PC: variants seen among roughly 807,000 people sequenced by gnomAD.
The protein encoded by PC is pyruvate carboxylase, mitochondrial.
PC carries 46 observed loss-of-function variants against 107.8 expected under a neutral mutation model. That is an observed-to-expected ratio of 0.43 (90% confidence interval 0.34 to 0.55). The LOEUF (loss-of-function observed/expected upper bound fraction) is 0.55. Ranked by LOEUF, PC falls within the 20% of genes least tolerant of loss-of-function variation. PC has a pLI of 0.04. For synonymous variants in PC, 662 were observed against 684.7 expected (o/e 0.97, Z 0.52); for missense variants, 1,241 against 1,643.1 (o/e 0.76, Z 4.23).
intron 3 of PC, among the ~76,000 whole-genome samples, chr11:66,894,819 C>T (rs374496678): frequency 1.3e-5 from 2 of 152,116 alleles, no homozygotes; most frequent in African/African-American, 4.8e-5. Context: ...GTCAGGAGTT[C>T]GAGACCAGCC....
chr11:66,932,393 A>T (rs1232140342), intron 3 of PC, among the ~76,000 whole-genome samples: 1 of 152,046 alleles, frequency 6.6e-6, no homozygotes, highest in Non-Finnish European at 1.5e-5. Context: ...CATGGAAGGC[A>T]CTCTACCATC....
At chr11:66,860,797 C>T in intron 12 of PC, 1 of 686,420 alleles carries the variant, frequency 1.5e-6, no homozygotes, top group Admixed American at 2.1e-5. Flanking sequence ...TGAGCGCCTT[C>T]CCCATGGCAC....
At chr11:66,957,006 T>C (rs943733494) in intron 1 of PC, among the ~76,000 whole-genome samples, 4 of 152,214 alleles carry the variant, frequency 2.6e-5, no homozygotes, top group Admixed American at 2.6e-4. Context: ...ACTGTAGGTG[T>C]GCAAAAGAAT....
intron 3 of PC, among the ~76,000 whole-genome samples, chr11:66,947,839 T>G (rs1173336980): frequency 6.6e-6 from 1 of 151,272 alleles, no homozygotes; most frequent in Non-Finnish European, 1.5e-5. Context: ...GGTGGGCGCC[T>G]CTAGTCCCAG....
Position 66,852,912 on chromosome 11 carries a change from G to T in PC, c.1514-76C>A. 8.8e-7 allele frequency: 1 copy of T among 1,139,930 alleles called. No individual in the cohort carries two copies. Among genetic ancestry groups the T allele is most frequent in the Non-Finnish European group, 1.3e-6 (1 of 795,358 alleles). The allele number at this position is 1,139,930 out of a possible 1,614,324, so 70.6% of individuals were successfully genotyped here. On this transcript the variant is annotated intron_variant, in intron 13 of 22. Transcript: ENST00000393960. This position sits in a 1 kb window ranked among gnomAD's most constrained non-coding sequence, Gnocchi z 4.7. ...CGAGGGCAGCAGTGAGAGTGGCTGG[G>T]CTCAGGGACAGGGACACATCCCTCC...
chr11:66,922,232 C>T (rs1948612750), intron 3 of PC, among the ~76,000 whole-genome samples: 1 of 152,102 alleles, frequency 6.6e-6, no homozygotes, highest in South Asian at 2.1e-4. Context: ...ATAACTGCAC[C>T]ATTCTAAGAT....
intron 3 of PC, among the ~76,000 whole-genome samples, chr11:66,914,735 T>C (rs979387118): frequency 4.6e-5 from 7 of 152,164 alleles, no homozygotes; most frequent in Non-Finnish European, 1.0e-4. Context: ...TACCAGGGAC[T>C]GTTTAGTAGT....
intron 3 of PC, among the ~76,000 whole-genome samples, chr11:66,886,774 C>T (rs895482499): frequency 2.6e-5 from 4 of 152,092 alleles, no homozygotes; most frequent in African/African-American, 7.2e-5. Flanking sequence ...GAAGAGTATC[C>T]GGCTGGAAAG....
chr11:66,879,351 G>A (rs566687069), intron 3 of PC, among the ~76,000 whole-genome samples: 18 of 152,336 alleles, frequency 1.2e-4, no homozygotes, highest in Non-Finnish European at 2.1e-4. Flanking sequence ...AGGACACCAC[G>A]TGCTTTTGCC....
intron 3 of PC, among the ~76,000 whole-genome samples, chr11:66,937,139 C>T (rs902944044): frequency 6.6e-6 from 1 of 152,088 alleles, no homozygotes; most frequent in African/African-American, 2.4e-5. Flanking sequence ...CCACTGTGCC[C>T]GGCCTAAAGA....
Position 66,857,679 on chromosome 11 carries a change from C to T in PC, c.1369-4296G>A, listed in dbSNP as rs568364199. The T allele has an allele frequency of 1.3e-6, 2 of 1,509,058 alleles. No homozygotes were observed. Among genetic ancestry groups the T allele is most frequent in the South Asian group, 1.3e-5 (1 of 79,034 alleles). The allele number at this position is 1,509,058 out of a possible 1,614,324, so 93.5% of individuals were successfully genotyped here. ...CTGGCTTCTGGGACTGTCCTGGGCC[C>T]AAGTGGGCACCTGCGCCAGCCCCAC... On this transcript the variant is annotated intron_variant, in intron 12 of 22. Coordinates refer to ENST00000393960, the MANE Select transcript of PC (RefSeq NM_001040716.2). This position sits in a 1 kb window ranked among gnomAD's most constrained non-coding sequence, Gnocchi z 7.1.
chr11:66,897,257 T>G (rs369461697), intron 3 of PC, among the ~76,000 whole-genome samples: 1 of 151,906 alleles, frequency 6.6e-6, no homozygotes, highest in Non-Finnish European at 1.5e-5. Flanking sequence ...ATTGGCACCA[T>G]GTACTTGATT....
intron 3 of PC, among the ~76,000 whole-genome samples, chr11:66,896,174 G>T (rs569268620): frequency 1.3e-5 from 2 of 152,032 alleles, no homozygotes; most frequent in Non-Finnish European, 2.9e-5. Flanking sequence ...CCACCTCTTG[G>T]GTTCAAGCAA....
intron 3 of PC, among the ~76,000 whole-genome samples, chr11:66,879,852 G>C (rs1408828329): frequency 6.6e-6 from 1 of 152,202 alleles, no homozygotes; most frequent in Non-Finnish European, 1.5e-5. Flanking sequence ...CGAGTGAGGC[G>C]GAAGACACGG....
chr11:66,929,681 T>C (rs1394418192), intron 3 of PC, among the ~76,000 whole-genome samples: 2 of 152,034 alleles, frequency 1.3e-5, no homozygotes, highest in African/African-American at 2.4e-5. Context: ...TTTTATTTTT[T>C]ACATATTTTT....
Position 66,858,029 on chromosome 11 carries a change from C to T in PC, c.1369-4646G>A. 2.5e-6 allele frequency: 4 copies of T among 1,611,788 alleles called. No individual in the cohort carries two copies. Among genetic ancestry groups the T allele is most frequent in the South Asian group, 1.1e-5 (1 of 91,084 alleles). On this transcript the variant is annotated intron_variant, in intron 12 of 22. Coordinates refer to ENST00000393960, the MANE Select transcript of PC (RefSeq NM_001040716.2). This position sits in a 1 kb window ranked among gnomAD's most constrained non-coding sequence, Gnocchi z 5.9. ...TTGGGGCCCGCGCCTTTGGGGACCT[C>T]GAGAGCCTGCGTTCCCTCCACCTTG...
rs1038190066 is a variant in PC at position 66,871,599 on chromosome 11, G to A, written c.321+88C>T. The stretch of plus-strand genomic sequence containing the variant: ...CGTTTACCCACCCACGCACAGAGGC[G>A]CTGAGCACGCCAGCCTCAAGAGACC... On this transcript the variant is annotated intron_variant, in intron 5 of 22. Transcript: ENST00000393960. The surrounding 1 kb of genome is among the most constrained non-coding windows in gnomAD (Gnocchi z 7.4). 10 of 1,567,870 alleles carry A rather than the reference G, an allele frequency of 6.4e-6. No individual in the cohort carries two copies. In the South Asian group the frequency reaches 6.8e-5, roughly 11 times the overall value.
At chr11:66,860,759 A>G (rs1279881019) in intron 12 of PC, 9 of 698,386 alleles carry the variant, frequency 1.3e-5, no homozygotes, top group Non-Finnish European at 2.1e-5. Context: ...AGGACGCCGT[A>G]TCCAGTGTAA....
At chr11:66,887,121 C>T (rs540442715) in intron 3 of PC, among the ~76,000 whole-genome samples, 1 of 152,314 alleles carries the variant, frequency 6.6e-6, no homozygotes, top group Non-Finnish European at 1.5e-5. Flanking sequence ...AGCTTCCGTT[C>T]CAGGAACCAG....
Sources: allele counts gnomAD v4.1 joint callset (sites outside exome capture counted in the v4.1 genomes callset), GRCh38; gene constraint gnomAD v4.1.1; non-coding constraint Gnocchi (gnomAD v3.1); transcripts MANE v1.5; gene names NCBI Gene and HGNC (gene_info 2026-07-23, HGNC 2026-07-21).